DMKN: variants seen among roughly 807,000 people sequenced by gnomAD.
DMKN encodes the protein dermokine, also known as epidermis-specific secreted protein SK30/SK89.
DMKN carries 58 observed loss-of-function variants against 67.6 expected under a neutral mutation model. The ratio of observed to expected loss-of-function variants is 0.86; its 90% CI spans 0.69 to 1.07. The LOEUF (loss-of-function observed/expected upper bound fraction) is 1.07, where lower values mean the gene tolerates loss of function less well. DMKN is among the 50% of genes least tolerant of loss of function. The pLI, the probability that DMKN is intolerant of heterozygous loss-of-function variation, is 0.00. For missense variants in DMKN, 596 were observed against 601.5 expected, an observed-to-expected ratio of 0.99 and a Z score of 0.10; for synonymous variants, 240 against 232.3, an observed-to-expected ratio of 1.03 and a Z score of -0.30.
At chr19:35,507,086 T>A (rs2069705116) in intron 7 of DMKN, 1 of 201,726 alleles carries the variant, frequency 5.0e-6, no homozygotes, top group Non-Finnish European at 1.0e-5. Context: ...GGGATTACAG[T>A]TATGCTGGTG....
In DMKN at chr19:35,511,502, CTG is replaced by C; in HGVS notation, c.825_826del (p.Ser276GlnfsTer23). 1 of 1,087,454 alleles carries C rather than the reference CTG, an allele frequency of 9.2e-7. No homozygotes were observed. The highest frequency in any genetic ancestry group is 1.2e-6 in the Non-Finnish European group (1 of 834,274). 67.4% of individuals were successfully genotyped at this position (1,087,454 alleles called of 1,614,324 possible). On this transcript the variant is annotated frameshift_variant, in exon 5 of 16. Transcript: ENST00000339686. LOFTEE classifies it high-confidence loss of function. ...GCCGCCACTGCTGCCGCCACTGCTG[CTG>C]CCACTGCTGCTGCCACCACTGCTGC...
At chr19:35,499,439 C>T (rs764028894) in intron 13 of DMKN, among the ~76,000 whole-genome samples, 5 of 152,192 alleles carry the variant, frequency 3.3e-5, no homozygotes, top group Non-Finnish European at 7.3e-5. Context: ...TTCTTTGCAA[C>T]GGAATAAAAC....
intron 1 of DMKN, 58 bp from the exon 2 acceptor site, chr19:35,512,848 G>T: frequency 6.4e-7 from 1 of 1,571,012 alleles, no homozygotes; most frequent in Non-Finnish European, 8.6e-7. Flanking sequence ...GTAGAGAAGA[G>T]CCAGGGCAAA....
In DMKN at chr19:35,505,757, T is replaced by C. The variant is rs778110671; in HGVS notation, c.1095A>G (p.Lys365=). 6.2e-7 allele frequency: 1 copy of C among 1,614,170 alleles called. No homozygotes were observed. The highest frequency in any genetic ancestry group is 1.3e-5 in the African/African-American group (1 of 75,044). ...CCCAGTTGATGAAACCCAGCTTGGA[T>C]TTAAAATTCTATGGAGGAAACAAAA... ...FNFDTFWKNF[K]SKLGFINWDA... Residue 365 remains lysine, a synonymous_variant, in exon 9 of 16, where the codon AAA becomes AAG. Transcript: ENST00000339686.
rs2071134307 is a variant in DMKN, at chr19:35,513,643, G to C, written c.-168C>G. The C allele has an allele frequency of 1.2e-6, 1 of 850,830 alleles. No individual in the cohort carries two copies. Among genetic ancestry groups the C allele is most frequent in the African/African-American group, 1.7e-5 (1 of 58,266 alleles). 52.7% of individuals were successfully genotyped at this position (850,830 alleles called of 1,614,324 possible). On this transcript the variant is annotated 5_prime_UTR_variant, in exon 1 of 16. Coordinates refer to ENST00000339686, the MANE Select transcript of DMKN (RefSeq NM_033317.5). ...CTCTCTCCTGTCCTCAACTGCCTGG[G>C]CTTCTCAGAGTCCACCTCCCTGTCA... is the stretch of plus-strand genomic sequence containing the variant.
intron 12 of DMKN, chr19:35,500,306 G>T: frequency 6.6e-7 from 1 of 1,520,052 alleles, no homozygotes; most frequent in East Asian, 2.5e-5. Context: ...GTGTTACTTG[G>T]GAGGTGAGGG....
rs1441885508 is a variant in DMKN, at chr19:35,511,829, G to A, written c.685-16C>T. 1 of 1,610,228 alleles carries A rather than the reference G, an allele frequency of 6.2e-7. No individual in the cohort carries two copies. Among genetic ancestry groups the A allele is most frequent in the Non-Finnish European group, 8.5e-7 (1 of 1,177,794 alleles). On this transcript the variant is annotated splice_polypyrimidine_tract_variant and intron_variant, in intron 3 of 15. Transcript: ENST00000339686. Reference sequence around the variant, plus strand: ...GATTCGTGCACTGTCGAGGGAAAGGGATGGTGAGTTTGGGGACGGTGAGTT... The same window carrying A: ...GATTCGTGCACTGTCGAGGGAAAGGAATGGTGAGTTTGGGGACGGTGAGTT...
intron 7 of DMKN, chr19:35,506,237 C>T (rs2069491726): frequency 6.9e-7 from 1 of 1,454,046 alleles, no homozygotes; most frequent in Non-Finnish European, 9.0e-7. Context: ...TCCTATCATG[C>T]CTGCCACCTG....
chr19:35,511,183 T>A (rs2070692001), intron 5 of DMKN, among the ~76,000 whole-genome samples: 1 of 152,090 alleles, frequency 6.6e-6, no homozygotes, highest in African/African-American at 2.4e-5. Flanking sequence ...AAAATAGGGA[T>A]ACAGAGTCAG....
chr19:35,510,773 C>A (rs1355140187), intron 5 of DMKN, among the ~76,000 whole-genome samples: 1 of 152,200 alleles, frequency 6.6e-6, no homozygotes, highest in Non-Finnish European at 1.5e-5. Context: ...ATGTGGCTCC[C>A]TCTCCAGCTC....
chr19:35,513,643 G>T lies in DMKN; in HGVS notation c.-168C>A. ...CTCTCTCCTGTCCTCAACTGCCTGG[G>T]CTTCTCAGAGTCCACCTCCCTGTCA... On this transcript the variant is annotated 5_prime_UTR_variant, in exon 1 of 16. Transcript: ENST00000339686. 1 of 850,948 alleles carries T rather than the reference G, an allele frequency of 1.2e-6. No individual in the cohort carries two copies. The highest frequency in any genetic ancestry group is 1.8e-6 in the Non-Finnish European group (1 of 568,018). The allele number at this position is 850,948 out of a possible 1,614,324, so 52.7% of individuals were successfully genotyped here.
intron 11 of DMKN, chr19:35,501,853 G>A (rs1163746870): frequency 3.8e-6 from 6 of 1,584,684 alleles, no homozygotes; most frequent in East Asian, 2.3e-5. Flanking sequence ...TCCAGGCCAG[G>A]CCCAGCAGGA....
intron 11 of DMKN, 143 bp downstream of exon 11, chr19:35,501,993 C>T: frequency 6.5e-7 from 1 of 1,548,734 alleles, no homozygotes; most frequent in South Asian, 1.2e-5. Flanking sequence ...GCTTCTCCCT[C>T]TCACCCCGCC....
chr19:35,512,579 G>A lies in DMKN; in HGVS notation c.627+11C>T, dbSNP rs769694378. The A allele has an allele frequency of 3.1e-6, 5 of 1,614,138 alleles. No homozygotes were observed. The South Asian group carries it at 3.3e-5, about 11-fold the overall frequency. ...GGAGGTGGCAGGTAGCAGGTCTGGG[G>A]GTGACTTTACCTGAGTGTTGGTCCC... is the stretch of plus-strand genomic sequence containing the variant. On this transcript the variant is annotated intron_variant, in intron 2 of 15. Transcript: ENST00000339686.
In DMKN at chr19:35,510,351, A is replaced by G. The variant is rs1258255376; in HGVS notation, c.919-99T>C. 3 of 1,552,436 alleles carry G rather than the reference A, an allele frequency of 1.9e-6. No individual in the cohort carries two copies. In the South Asian group the frequency reaches 3.6e-5, roughly 18 times the overall value. On this transcript the variant is annotated intron_variant, in intron 5 of 15. Coordinates refer to ENST00000339686, the MANE Select transcript of DMKN (RefSeq NM_033317.5). ...ACAGATTTGTTGGAACCCCAATCAG[A>G]TTCCAGTCCTCTTTCCAACCTCCAG...
intron 5 of DMKN, among the ~76,000 whole-genome samples, chr19:35,510,746 AC>A (rs2070609144): frequency 6.6e-6 from 1 of 151,562 alleles, no homozygotes; most frequent in Non-Finnish European, 1.5e-5. Flanking sequence ...ACTTTTCCCG[AC>A]CCCCGAGGAA....
At chr19:35,500,686 C>T (rs2068209139) in intron 11 of DMKN, 106 bp from the exon 12 acceptor site, 8 of 1,310,364 alleles carry the variant, frequency 6.1e-6, no homozygotes. Flanking sequence ...CCACGTGCTA[C>T]CTATAGAGAA....
intron 13 of DMKN, among the ~76,000 whole-genome samples, chr19:35,499,561 C>T (rs1030943383): frequency 6.6e-6 from 1 of 152,196 alleles, no homozygotes. Flanking sequence ...CTGCTTTCCT[C>T]GCCCTCCATT....
intron 9 of DMKN, chr19:35,503,293 G>A: frequency 6.6e-7 from 1 of 1,510,262 alleles, no homozygotes; most frequent in South Asian, 1.3e-5. Flanking sequence ...GAAAGGAGCA[G>A]AGGCCAGGAG....
Sources: allele counts gnomAD v4.1 joint callset (sites outside exome capture counted in the v4.1 genomes callset), GRCh38; gene constraint gnomAD v4.1.1; transcripts MANE v1.5; gene names NCBI Gene and HGNC (gene_info 2026-07-23, HGNC 2026-07-21).